Variants in XBP1 observed in about 807,000 individuals in gnomAD.
XBP1 encodes X-box-binding protein 1.
XBP1 carries 18 observed loss-of-function variants against 34.6 expected under a neutral mutation model. That is an observed-to-expected ratio of 0.52 (90% CI 0.36 to 0.77). The LOEUF (loss-of-function observed/expected upper bound fraction) is 0.77. Among genes scored for constraint, XBP1 ranks in the 30% least tolerant of loss-of-function variants. The pLI, the probability that XBP1 is intolerant of heterozygous loss-of-function variation, is 0.00. For synonymous variants in XBP1, 191 were observed against 193.4 expected, an observed-to-expected ratio of 0.99 and a Z score of 0.11; for missense variants, 422 against 464.6, an observed-to-expected ratio of 0.91 and a Z score of 0.84.
intron 2 of XBP1, chr22:28,798,758 C>CA (rs1490245969): frequency 4.8e-6 from 1 of 207,320 alleles, no homozygotes; most frequent in Non-Finnish European, 9.8e-6. Flanking sequence ...TACAGGCACT[C>CA]ACGCTTGGCC....
At chr22:28,796,628 T>G (rs771765542) in intron 3 of XBP1, 6 of 171,282 alleles carry the variant, frequency 3.5e-5, no homozygotes, top group Non-Finnish European at 6.2e-5. Context: ...TTTGCCATAA[T>G]CTGTAGACTA....
intron 3 of XBP1, chr22:28,796,788 A>G (rs1464662499): frequency 4.4e-6 from 1 of 225,382 alleles, no homozygotes; most frequent in African/African-American, 2.3e-5. Flanking sequence ...GTTCTCCTTA[A>G]TGATTGCATG....
exon 6 of XBP1, chr22:28,795,218 T>A (rs1299843397): frequency 1.3e-6 from 2 of 1,534,062 alleles, no homozygotes; most frequent in Non-Finnish European, 1.8e-6. Flanking sequence ...GGCAAAAGTG[T>A]CCTCCCAAGA....
At chr22:28,797,558 A>G (rs2031772922) in intron 2 of XBP1, among the ~76,000 whole-genome samples, 1 of 152,110 alleles carries the variant, frequency 6.6e-6, no homozygotes, top group Admixed American at 6.6e-5. Context: ...AGGCAGGTGG[A>G]TCACCTGAGG....
At chr22:28,794,991 T>C, downstream of XBP1, 1 of 493,708 alleles carries the variant, frequency 2.0e-6, no homozygotes, top group Non-Finnish European at 3.5e-6. Context: ...TCTCAATACC[T>C]TGGACTGCTG....
exon 3 of XBP1, chr22:28,797,157 C>T (rs1277751882): frequency 6.2e-7 from 1 of 1,613,540 alleles, no homozygotes; most frequent in East Asian, 2.2e-5. Context: ...ACTACAAGGC[C>T]ATGAGTTTTC....
chr22:28,797,237 C>T (rs1397453423), intron 2 of XBP1, 32 bp from the exon 3 acceptor site: 4 of 1,601,818 alleles, frequency 2.5e-6, no homozygotes, highest in Non-Finnish European at 2.6e-6. Flanking sequence ...GCTATTAAAA[C>T]ATCTAATTAT....
chr22:28,795,500 G>A (rs375109100), exon 6 of XBP1: 10 of 1,614,018 alleles, frequency 6.2e-6, no homozygotes, highest in Admixed American at 3.3e-5. Flanking sequence ...TGTCTCAGAG[G>A]GTATCTCTAA....
intron 5 of XBP1, 76 bp downstream of exon 5, chr22:28,795,971 A>C: frequency 6.4e-7 from 1 of 1,571,046 alleles, no homozygotes; most frequent in Non-Finnish European, 8.7e-7. Flanking sequence ...TCATCTGTCT[A>C]GTTAGGGATG....
intron 1 of XBP1, among the ~76,000 whole-genome samples, chr22:28,799,434 T>A (rs1467984585): frequency 6.6e-6 from 1 of 152,210 alleles, no homozygotes; most frequent in Non-Finnish European, 1.5e-5. Context: ...ACACTATTCA[T>A]CTTGCATCAT....
intron 1 of XBP1, among the ~76,000 whole-genome samples, chr22:28,799,592 A>G (rs1055576501): frequency 6.6e-6 from 1 of 152,194 alleles, no homozygotes; most frequent in Non-Finnish European, 1.5e-5. Flanking sequence ...AATTTAGAAA[A>G]GGGAGAGGCT....
intron 3 of XBP1, 113 bp downstream of exon 3, chr22:28,796,964 G>A: frequency 7.2e-7 from 1 of 1,386,324 alleles, no homozygotes; most frequent in African/African-American, 1.4e-5. Flanking sequence ...TAAAACTGAA[G>A]GAAAATTTCA....
exon 6 of XBP1, chr22:28,795,445 G>A: frequency 6.2e-7 from 1 of 1,604,010 alleles, no homozygotes. Flanking sequence ...CTGAGGGGCT[G>A]AGAGGTGCTT....
chr22:28,797,480 T>A (rs957987714), intron 2 of XBP1, among the ~76,000 whole-genome samples: 1 of 151,604 alleles, frequency 6.6e-6, no homozygotes, highest in African/African-American at 2.4e-5. Context: ...TAGATATAAT[T>A]TTTTTTTTAA....
At chr22:28,796,936 G>T in intron 3 of XBP1, 141 bp downstream of exon 3, 2 of 1,038,058 alleles carry the variant, frequency 1.9e-6, no homozygotes, top group Non-Finnish European at 2.7e-6. Flanking sequence ...AGAACACTCT[G>T]CCTGCATGAA....
exon 6 of XBP1, chr22:28,795,566 A>C: frequency 1.3e-5 from 21 of 1,614,186 alleles, no homozygotes; most frequent in Non-Finnish European, 1.7e-5. Flanking sequence ...AATGGCTTCC[A>C]GCTTGGCTGA....
exon 1 of XBP1, chr22:28,800,320 G>A (rs1248272660): frequency 1.3e-6 from 2 of 1,553,276 alleles, no homozygotes; most frequent in South Asian, 1.2e-5. Flanking sequence ...TTCTCCTCGG[G>A]GCTCAGGTGC....
chr22:28,800,242 C>CCCCTGT (rs1280757443), intron 1 of XBP1, 56 bp downstream of exon 1: 1 of 1,527,654 alleles, frequency 6.5e-7, no homozygotes, highest in Admixed American at 2.0e-5. Context: ...CCTGCCCCTG[C>CCCCTGT]CCCTGTCCCT....
exon 6 of XBP1, chr22:28,795,657 T>C (rs1462073070): frequency 5.6e-6 from 9 of 1,600,568 alleles, no homozygotes; most frequent in Admixed American, 3.5e-5. Flanking sequence ...TCCTCCAGGC[T>C]GGCAGGCTCT....
Sources: gnomAD v4.1 joint callset for allele counts (sites outside exome capture counted in the v4.1 genomes callset) on GRCh38, gnomAD v4.1.1 for gene constraint, MANE v1.5 for transcripts, NCBI Gene and HGNC (gene_info 2026-07-23, HGNC 2026-07-21) for gene names.